PPP2R1A: variants seen among roughly 807,000 people sequenced by gnomAD.
PPP2R1A encodes the protein protein phosphatase 2 scaffold subunit Aalpha, also known as serine/threonine-protein phosphatase 2A 65 kDa regulatory subunit A alpha isoform.
PPP2R1A carries 15 observed loss-of-function variants against 67.1 expected under a neutral mutation model. The ratio of observed to expected loss-of-function variants is 0.22; its 90% CI spans 0.15 to 0.34. The LOEUF is 0.34. Among genes scored for constraint, PPP2R1A ranks in the 10% least tolerant of loss-of-function variants. The probability of loss-of-function intolerance (pLI) is 1.00; values close to 1 mark genes in which losing one functional copy is unlikely to be tolerated. For synonymous variants in PPP2R1A, 337 were observed against 325.0 expected, an observed-to-expected ratio of 1.04 and a Z score of -0.40; for missense variants, 369 against 775.0, an observed-to-expected ratio of 0.48 and a Z score of 6.22.
chr19:52,214,084 G>A (rs949265465), intron 6 of PPP2R1A, among the ~76,000 whole-genome samples: 10 of 152,146 alleles, frequency 6.6e-5, no homozygotes, highest in Admixed American at 2.0e-4. Context: ...TTGAGGAGGG[G>A]AGGTGGTGTT....
rs1455582616 is a variant in PPP2R1A at position 52,226,711 on chromosome 19, C to T, written c.*730C>T. The T allele has an allele frequency of 1.2e-5, 2 of 165,884 alleles. No individual in the cohort carries two copies. The highest frequency in any genetic ancestry group is 6.4e-5 in the Admixed American group (1 of 15,586). The allele number at this position is 165,884 out of a possible 1,614,324, so 10.3% of individuals were successfully genotyped here. A position where few individuals can be genotyped will look rare whatever the true frequency, so the allele number is the denominator to read the frequency against. Reference sequence around the variant, plus strand: ...CAGACTGCCTGGGTCCAAATTGTGGCTCCTTCAGTTAATAGACGTGTGACT... The same window carrying T: ...CAGACTGCCTGGGTCCAAATTGTGGTTCCTTCAGTTAATAGACGTGTGACT... On this transcript the variant is annotated 3_prime_UTR_variant, in exon 15 of 15. Transcript: ENST00000322088.
At position 52,216,552 on chromosome 19, in the gene PPP2R1A, A is replaced by G. The variant is rs1301833700; in HGVS notation, c.1017A>G (p.Gln339=). ...AGGAGCTGGTGTCCGATGCCAACCA[A>G]CATGTCAAGTCTGCCCTGGCCTCAG... ...CIKELVSDAN[Q]HVKSALASVI... Residue 339 remains glutamine (Q), a synonymous_variant, in exon 9 of 15, where the codon CAA becomes CAG. Transcript: ENST00000322088. The surrounding 1 kb of genome is among the most constrained non-coding windows in gnomAD (Gnocchi z 4.3). The G allele has an allele frequency of 6.8e-6, 11 of 1,613,986 alleles. No individual in the cohort carries two copies. The highest frequency in any genetic ancestry group is 8.5e-6 in the Non-Finnish European group (10 of 1,180,028).
At chr19:52,223,253 T>C (rs574593235) in intron 13 of PPP2R1A, among the ~76,000 whole-genome samples, 1 of 152,258 alleles carries the variant, frequency 6.6e-6, no homozygotes, top group South Asian at 2.1e-4. Flanking sequence ...CATAAACAAA[T>C]TAATTTGAGA....
At position 52,202,033 on chromosome 19, in the gene PPP2R1A, A is replaced by T. The variant is rs766816615; in HGVS notation, c.168A>T (p.Thr56=). 6.2e-7 allele frequency: 1 copy of T among 1,613,824 alleles called. No homozygotes were observed. The highest frequency in any genetic ancestry group is 8.5e-7 in the Non-Finnish European group (1 of 1,179,816). Residue 56 remains threonine (T), a splice_region_variant and synonymous_variant, in exon 2 of 15, where the codon ACA becomes ACT. Transcript: ENST00000322088. ...GAAGTGAGCTTCTGCCTTTCCTTAC[A>T]GGTAACAAAGGGGACCCCTGGGGCC... is the stretch of plus-strand genomic sequence containing the variant. ...RTRSELLPFL[T]DTIYDEDEVL...
chr19:52,215,720 T>C, intron 6 of PPP2R1A, 59 bp from the exon 7 acceptor site: 1 of 1,470,010 alleles, frequency 6.8e-7, no homozygotes, highest in Non-Finnish European at 9.5e-7. Context: ...TTTGGCTTCC[T>C]TAGCCCAGAG....
intron 6 of PPP2R1A, among the ~76,000 whole-genome samples, chr19:52,214,240 A>G (rs547484052): frequency 6.6e-6 from 1 of 151,976 alleles, no homozygotes; most frequent in South Asian, 2.1e-4. Context: ...AGAAAGCAGG[A>G]GAGAGGGCAG....
chr19:52,197,624 A>G (rs535674035), intron 1 of PPP2R1A, among the ~76,000 whole-genome samples: 159 of 152,290 alleles, frequency 1.0e-3, no homozygotes, highest in African/African-American at 3.7e-3. Context: ...ACAGTGAGCT[A>G]CGATTGTGCC....
In PPP2R1A at chr19:52,211,725, G is replaced by C. The variant is rs1251425477; in HGVS notation, c.503+233G>C. On this transcript the variant is annotated intron_variant, in intron 4 of 14. Coordinates refer to ENST00000322088, the MANE Select transcript of PPP2R1A (RefSeq NM_014225.6). This position sits in a 1 kb window ranked among gnomAD's most constrained non-coding sequence, Gnocchi z 5.3. ...TCACTTAGGAATTGAGATGATGACA[G>C]GTCCTCCTTCCCACTGGTTAATGTG... 5 of 566,950 alleles carry C rather than the reference G, an allele frequency of 8.8e-6. No homozygotes were observed. The African/African-American group carries it at 9.4e-5, about 11-fold the overall frequency. The allele number at this position is 566,950 out of a possible 1,614,324, so 35.1% of individuals were successfully genotyped here.
At chr19:52,220,728 G>A (rs979870504) in intron 11 of PPP2R1A, among the ~76,000 whole-genome samples, 2 of 152,102 alleles carry the variant, frequency 1.3e-5, no homozygotes, top group African/African-American at 4.8e-5. Context: ...ACTTCTTAGA[G>A]CCTTAGTTTG....
At chr19:52,223,928 A>C (rs62109249) in intron 13 of PPP2R1A, among the ~76,000 whole-genome samples, 12,104 of 152,234 alleles carry the variant, frequency 0.08, 523 homozygotes, top group Middle Eastern at 0.12. Flanking sequence ...TGGTAGCTTT[A>C]TTCATAGTAG....
In PPP2R1A at chr19:52,219,916, T is replaced by G. The variant is rs752000773; in HGVS notation, c.1302+52T>G. 4 of 1,566,712 alleles carry G rather than the reference T, an allele frequency of 2.6e-6. No individual in the cohort carries two copies. The highest frequency in any genetic ancestry group is 3.5e-6 in the Non-Finnish European group (4 of 1,157,196). On this transcript the variant is annotated intron_variant, in intron 10 of 14. Transcript: ENST00000322088. The surrounding 1 kb of genome is among the most constrained non-coding windows in gnomAD (Gnocchi z 4.0). ...CAGTGCTGCCTCAGGGGAGGTGCAG[T>G]ATGTCCAGGGCTGTGATGGGGAAAC...
At chr19:52,192,976 C>G (rs188319547) in intron 1 of PPP2R1A, among the ~76,000 whole-genome samples, 29 of 152,350 alleles carry the variant, frequency 1.9e-4, no homozygotes, top group African/African-American at 2.4e-5. Context: ...TATTTGCTGT[C>G]TAACCCTTTG....
At position 52,213,255 on chromosome 19, in the gene PPP2R1A, TCTCGCTTC is replaced by T; in HGVS notation, c.807+146_807+153del. 9.3e-7 allele frequency: 1 copy of T among 1,080,944 alleles called. No homozygotes were observed. Among genetic ancestry groups the T allele is most frequent in the East Asian group, 2.9e-5 (1 of 34,796 alleles). The allele number at this position is 1,080,944 out of a possible 1,614,324, so 67.0% of individuals were successfully genotyped here. ...AGATCTCTATGATCATCTAACTGCG[TCTCGCTTC>T]GTGTGCCAATCCTGGTTGATTGACA... On this transcript the variant is annotated intron_variant, in intron 6 of 14. Coordinates refer to ENST00000322088, the MANE Select transcript of PPP2R1A (RefSeq NM_014225.6). This position sits in a 1 kb window ranked among gnomAD's most constrained non-coding sequence, Gnocchi z 4.2.
chr19:52,213,745 C>T lies in PPP2R1A; in HGVS notation c.807+635C>T, dbSNP rs576297865. Among the ~76,000 whole-genome samples the T allele has an allele frequency of 5.9e-5, 9 of 152,130 alleles. No individual in the cohort carries two copies. Among genetic ancestry groups the T allele is most frequent in the African/African-American group, 2.2e-4 (9 of 41,504 alleles). ...AAGCGATCCGCCTGCCTTCATCTCCCAAAGTGCTGGGATTACAGGTGTTAG... is the reference window on the plus strand; with the variant it reads ...AAGCGATCCGCCTGCCTTCATCTCCTAAAGTGCTGGGATTACAGGTGTTAG... On this transcript the variant is annotated intron_variant, in intron 6 of 14. Transcript: ENST00000322088. This position sits in a 1 kb window ranked among gnomAD's most constrained non-coding sequence, Gnocchi z 4.2.
chr19:52,225,894 G>A, intron 14 of PPP2R1A, 71 bp from the exon 15 acceptor site: 1 of 1,613,508 alleles, frequency 6.2e-7, no homozygotes, highest in East Asian at 2.2e-5. Context: ...TTCTGGGAGG[G>A]GGAGGTACCT....
intron 1 of PPP2R1A, among the ~76,000 whole-genome samples, chr19:52,193,105 A>G (rs993757313): frequency 2.0e-5 from 3 of 152,246 alleles, no homozygotes; most frequent in Non-Finnish European, 2.9e-5. Flanking sequence ...AATTCTCACA[A>G]TCACTCTTTG....
Position 52,206,152 on chromosome 19 carries a change from A to G in PPP2R1A, c.270+89A>G, listed in dbSNP as rs931449156. ...TAGGGCAGGGAGGGGAGCGTGTCAG[A>G]GAGCGTGGGGATCACGTCAGAACAG... On this transcript the variant is annotated intron_variant, in intron 3 of 14. Transcript: ENST00000322088. 1.4e-4 allele frequency: 168 copies of G among 1,178,084 alleles called. 1 individual carries two copies. Among genetic ancestry groups the G allele is most frequent in the Non-Finnish European group, 2.0e-4 (162 of 807,614 alleles). The allele number at this position is 1,178,084 out of a possible 1,614,324, so 73.0% of individuals were successfully genotyped here.
chr19:52,207,113 A>G (rs1600164287), intron 3 of PPP2R1A, among the ~76,000 whole-genome samples: 1 of 152,196 alleles, frequency 6.6e-6, no homozygotes, highest in Non-Finnish European at 1.5e-5. Flanking sequence ...ATCTGGGCAT[A>G]TGTGTATAAT....
rs756949044 is a variant in PPP2R1A at position 52,215,859 on chromosome 19, C to T, written c.888C>T (p.Ala296=). Residue 296 remains alanine, a synonymous_variant, in exon 7 of 15, where the codon GCC becomes GCT. Coordinates refer to ENST00000322088, the MANE Select transcript of PPP2R1A (RefSeq NM_014225.6). Reference sequence around the variant, plus strand: ...AGAACCTGATGAAAGACTGTGAGGCCGAGGTGAGGGCCGCAGCCTCCCACA... The same window carrying T: ...AGAACCTGATGAAAGACTGTGAGGCTGAGGTGAGGGCCGCAGCCTCCCACA... ...AFQNLMKDCE[A]EVRAAASHKV... 4.6e-5 allele frequency: 75 copies of T among 1,613,884 alleles called. No individual in the cohort carries two copies. Among genetic ancestry groups the T allele is most frequent in the East Asian group, 1.3e-4 (6 of 44,888 alleles).
Sources: allele counts gnomAD v4.1 joint callset (sites outside exome capture counted in the v4.1 genomes callset), GRCh38; gene constraint gnomAD v4.1.1; non-coding constraint Gnocchi (gnomAD v3.1); transcripts MANE v1.5; gene names NCBI Gene and HGNC (gene_info 2026-07-23, HGNC 2026-07-21).